The following NRXN1 variants were observed in gnomAD, a reference collection of about 807,000 sequenced individuals.
NRXN1 encodes the protein neurexin-1.
Under a neutral mutation model 150.9 loss-of-function variants are expected in NRXN1, and 39 were observed. The ratio of observed to expected loss-of-function variants is 0.26; its 90% CI spans 0.20 to 0.34. The LOEUF (loss-of-function observed/expected upper bound fraction) is 0.34, where lower values mean the gene tolerates loss of function less well. Ranked by LOEUF, NRXN1 falls within the 10% of genes least tolerant of loss-of-function variation. The pLI is 1.00. For missense variants in NRXN1, 1,815 were observed against 1,949.9 expected, an observed-to-expected ratio of 0.93 and a Z score of 1.30; for synonymous variants, 924 against 757.0, an observed-to-expected ratio of 1.22 and a Z score of -3.62.
chr2:50,559,151 C>A (rs2105379960), intron 8 of NRXN1, among the ~76,000 whole-genome samples: 1 of 152,282 alleles, frequency 6.6e-6, no homozygotes, highest in East Asian at 1.9e-4. Flanking sequence ...ATTTAATTAT[C>A]ATTTTCACCT....
At chr2:50,341,748 C>G (rs766807762) in intron 17 of NRXN1, among the ~76,000 whole-genome samples, 2 of 152,094 alleles carry the variant, frequency 1.3e-5, no homozygotes, top group Non-Finnish European at 2.9e-5. Context: ...TATGCAGCAA[C>G]TTGGTGGAAA....
intron 17 of NRXN1, among the ~76,000 whole-genome samples, chr2:50,378,428 A>G (rs765451423): frequency 2.6e-4 from 40 of 152,214 alleles, no homozygotes; most frequent in Non-Finnish European, 4.0e-4. Flanking sequence ...GTGCTCAGTG[A>G]TATGAGCTTA....
chr2:50,317,480 A>G (rs974043869), intron 17 of NRXN1, among the ~76,000 whole-genome samples: 2 of 151,890 alleles, frequency 1.3e-5, no homozygotes, highest in Non-Finnish European at 2.9e-5. Flanking sequence ...CCAAAATATA[A>G]GAGACAACAG....
intron 5 of NRXN1, among the ~76,000 whole-genome samples, chr2:50,920,564 G>A (rs1179679209): frequency 1.3e-5 from 2 of 151,778 alleles, no homozygotes; most frequent in African/African-American, 4.8e-5. Context: ...GTAAGATAAA[G>A]TATATTCTTC....
intron 2 of NRXN1, among the ~76,000 whole-genome samples, chr2:51,003,746 G>A (rs1700352017): frequency 6.6e-6 from 1 of 151,936 alleles, no homozygotes; most frequent in Non-Finnish European, 1.5e-5. Context: ...AAAGAAGGAA[G>A]CAAAGGAGAG....
intron 19 of NRXN1, among the ~76,000 whole-genome samples, chr2:50,061,213 GATT>G (rs1365061737): frequency 1.3e-5 from 2 of 152,084 alleles, no homozygotes; most frequent in African/African-American, 4.8e-5. Context: ...TGATTTTGCT[GATT>G]ATATTTAATA....
At chr2:50,299,569 T>C (rs574436780) in intron 17 of NRXN1, among the ~76,000 whole-genome samples, 1 of 150,770 alleles carries the variant, frequency 6.6e-6, no homozygotes, top group South Asian at 2.1e-4. Flanking sequence ...GTCATCTTTA[T>C]TGTATTAAAA....
At chr2:50,900,078 G>A (rs893477103) in intron 5 of NRXN1, among the ~76,000 whole-genome samples, 1 of 152,082 alleles carries the variant, frequency 6.6e-6, no homozygotes, top group Non-Finnish European at 1.5e-5. Context: ...AATCAATCTA[G>A]AGTAACATGA....
intron 17 of NRXN1, among the ~76,000 whole-genome samples, chr2:50,427,157 G>GT (rs1206453464): frequency 1.3e-5 from 2 of 152,010 alleles, no homozygotes; most frequent in African/African-American, 4.8e-5. Context: ...ATCTATTTTT[G>GT]TGACGATAAA....
At chr2:50,987,855 C>G (rs7574611) in intron 2 of NRXN1, among the ~76,000 whole-genome samples, 1 of 151,660 alleles carries the variant, frequency 6.6e-6, no homozygotes, top group African/African-American at 2.4e-5. Context: ...CAGTTTGTAG[C>G]AGCTGCAGAA....
At chr2:50,606,785 A>T (rs558221625) in intron 8 of NRXN1, among the ~76,000 whole-genome samples, 1 of 152,260 alleles carries the variant, frequency 6.6e-6, no homozygotes, top group South Asian at 2.1e-4. Context: ...GAAAAAAGTG[A>T]TAGTTTTAAT....
chr2:50,219,267 A>G (rs1046537176), intron 18 of NRXN1, among the ~76,000 whole-genome samples: 2 of 151,892 alleles, frequency 1.3e-5, no homozygotes, highest in African/African-American at 2.4e-5. Context: ...TGTGTTATCC[A>G]CACAAATTTC....
chr2:50,651,748 T>G (rs1014423439), intron 5 of NRXN1, among the ~76,000 whole-genome samples: 3 of 152,032 alleles, frequency 2.0e-5, no homozygotes, highest in Non-Finnish European at 4.4e-5. Flanking sequence ...CTTTTTTCCA[T>G]TACTCACAAT....
In NRXN1 at chr2:49,922,199, C is replaced by T; in HGVS notation, c.4269G>A (p.Val1423=). The T allele has an allele frequency of 6.2e-7, 1 of 1,614,172 alleles. No individual in the cohort carries two copies. Among genetic ancestry groups the T allele is most frequent in the Non-Finnish European group, 8.5e-7 (1 of 1,180,022 alleles). Residue 1423 remains valine (V), a synonymous_variant, in exon 23 of 23, where the codon GTG becomes GTA. Transcript: ENST00000401669. The part of the protein sequence containing the change: ...GREPYPGSAE[V]IRESSSTTGM... ...CCGTGGTGCTGCTGGACTCCCGGAT[C>T]ACTTCTGCTGAGCCTGGATACGGCT...
At chr2:50,597,316 T>A (rs1193107678) in intron 8 of NRXN1, among the ~76,000 whole-genome samples, 1 of 152,032 alleles carries the variant, frequency 6.6e-6, no homozygotes, top group Admixed American at 6.6e-5. Context: ...AGGGATACAG[T>A]CTCTCTTATC....
At chr2:50,649,640 T>C (rs1168558837) in intron 5 of NRXN1, among the ~76,000 whole-genome samples, 4 of 152,010 alleles carry the variant, frequency 2.6e-5, no homozygotes, top group African/African-American at 4.8e-5. Context: ...TGAAGCCATG[T>C]AAAATGGAAC....
chr2:50,922,663 T>C lies in NRXN1; in HGVS notation c.815A>G (p.Asp272Gly). Residue 272 changes from aspartate (D) to glycine (G), a missense_variant, in exon 4 of 23, where the codon GAC becomes GGC. Physicochemically the swap from Asp to Gly is moderately conservative, Grantham distance 94. Coordinates refer to ENST00000401669, the MANE Select transcript of NRXN1 (RefSeq NM_001330078.2). ...VEGLAHLMMG[D>G]QGKSKGKEEY... ...AAAAGGAACAGAGCCCATACCTTGGTCGCCCATCATCAGGTGCGCCAGACC... is the reference window on the plus strand; with the variant it reads ...AAAAGGAACAGAGCCCATACCTTGGCCGCCCATCATCAGGTGCGCCAGACC... 1 of 1,610,192 alleles carries C rather than the reference T, an allele frequency of 6.2e-7. No individual in the cohort carries two copies. Among genetic ancestry groups the C allele is most frequent in the South Asian group, 1.1e-5 (1 of 90,506 alleles).
intron 21 of NRXN1, among the ~76,000 whole-genome samples, chr2:49,947,499 CTTTCTTTTTTT>C (rs1470678367): frequency 1.5e-4 from 20 of 137,372 alleles, no homozygotes; most frequent in South Asian, 9.3e-4. Context: ...CTCCTTTTTT[CTTTCTTTTTTT>C]TTTCTTTTTT....
chr2:50,367,612 T>C (rs2079682288), intron 17 of NRXN1, among the ~76,000 whole-genome samples: 1 of 152,050 alleles, frequency 6.6e-6, no homozygotes, highest in Non-Finnish European at 1.5e-5. Context: ...CATCCTGAGC[T>C]GGGCAGATCC....
Sources: allele counts gnomAD v4.1 joint callset (sites outside exome capture counted in the v4.1 genomes callset), GRCh38; gene constraint gnomAD v4.1.1; transcripts MANE v1.5; gene names NCBI Gene and HGNC (gene_info 2026-07-23, HGNC 2026-07-21).